TMEM135: variants seen among roughly 807,000 people sequenced by gnomAD.
TMEM135 encodes the protein peroxisomal membrane protein 52.
TMEM135 carries 30 observed loss-of-function variants against 60.3 expected under a neutral mutation model. That is an observed-to-expected ratio of 0.50 (90% CI 0.37 to 0.68). TMEM135 has a LOEUF of 0.68. Ranked by LOEUF, TMEM135 falls within the 30% of genes least tolerant of loss-of-function variation. The pLI is 0.00. For synonymous variants in TMEM135, 190 were observed against 186.7 expected (o/e 1.02, Z -0.14); for missense variants, 468 against 548.8 (o/e 0.85, Z 1.47).
intron 10 of TMEM135, among the ~76,000 whole-genome samples, chr11:87,312,071 A>G (rs901148086): frequency 2.0e-5 from 3 of 151,692 alleles, no homozygotes; most frequent in African/African-American, 7.2e-5. Context: ...TACTGTTTAC[A>G]TATAATGTAT....
chr11:87,186,969 A>C (rs1327992918), intron 5 of TMEM135, among the ~76,000 whole-genome samples: 4 of 152,198 alleles, frequency 2.6e-5, no homozygotes, highest in Non-Finnish European at 5.9e-5. Context: ...TGTGTAGTTA[A>C]TACTATGGGT....
At position 87,258,879 on chromosome 11, in the gene TMEM135, C is replaced by T; in HGVS notation, c.509+22195C>T. On this transcript the variant is annotated intron_variant, in intron 6 of 14. Transcript: ENST00000305494. ...TCTTTCCAGGAAGTGAAGGAAGAGCCCCTTGCATTCTTCCTGAGAGCCCTG... is the reference window on the plus strand; with the variant it reads ...TCTTTCCAGGAAGTGAAGGAAGAGCTCCTTGCATTCTTCCTGAGAGCCCTG... The T allele has an allele frequency of 1.3e-5, 12 of 911,298 alleles. No individual in the cohort carries two copies. In the South Asian group the frequency reaches 1.6e-4, roughly 12 times the overall value. 56.5% of individuals were successfully genotyped at this position (911,298 alleles called of 1,614,324 possible).
At chr11:87,228,871 G>C (rs1260659123) in intron 5 of TMEM135, among the ~76,000 whole-genome samples, 1 of 152,064 alleles carries the variant, frequency 6.6e-6, no homozygotes. Flanking sequence ...TGATATTTCT[G>C]ATTATTTTAA....
chr11:87,174,135 C>T (rs923692263), intron 5 of TMEM135, among the ~76,000 whole-genome samples: 2 of 152,046 alleles, frequency 1.3e-5, no homozygotes, highest in African/African-American at 4.8e-5. Flanking sequence ...GAGCAGAAGT[C>T]CCACTGAGAT....
At position 87,304,658 on chromosome 11, in the gene TMEM135, A is replaced by T. The variant is rs115192296; in HGVS notation, c.699-1278A>T. ...AGGAAAGGCTGTATGCTCCAGCTGTAGTGCAGAATTGGATTTCTGTAAAGG... is the reference window on the plus strand; with the variant it reads ...AGGAAAGGCTGTATGCTCCAGCTGTTGTGCAGAATTGGATTTCTGTAAAGG... On this transcript the variant is annotated intron_variant, in intron 8 of 14. Coordinates refer to ENST00000305494, the MANE Select transcript of TMEM135 (RefSeq NM_022918.4). Among the ~76,000 whole-genome samples the T allele has an allele frequency of 6.2e-3, 937 of 152,354 alleles. 9 individuals are homozygous for T. Among genetic ancestry groups the T allele is most frequent in the African/African-American group, 0.021 (874 of 41,576 alleles).
At chr11:87,306,171 A>G (rs1942539409) in intron 9 of TMEM135, among the ~76,000 whole-genome samples, 166 bp downstream of exon 9, 1 of 152,184 alleles carries the variant, frequency 6.6e-6, no homozygotes, top group South Asian at 2.1e-4. Context: ...ATAGGTGACG[A>G]TTTAGCTTTT....
chr11:87,213,301 T>C (rs1940419894), intron 5 of TMEM135, among the ~76,000 whole-genome samples: 1 of 152,174 alleles, frequency 6.6e-6, no homozygotes, highest in Non-Finnish European at 1.5e-5. Context: ...AGATGTACCA[T>C]GAAATTTTAA....
chr11:87,087,046 C>A (rs1857110874), intron 3 of TMEM135, among the ~76,000 whole-genome samples: 1 of 152,042 alleles, frequency 6.6e-6, no homozygotes, highest in Non-Finnish European at 1.5e-5. Context: ...ATCTAAGGGT[C>A]CCCAGTAAAA....
chr11:87,037,996 T>C lies in TMEM135; in HGVS notation c.-50T>C. 1.2e-6 allele frequency: 2 copies of C among 1,611,010 alleles called. No homozygotes were observed. The highest frequency in any genetic ancestry group is 1.7e-6 in the Non-Finnish European group (2 of 1,179,862). On this transcript the variant is annotated 5_prime_UTR_variant, in exon 1 of 15. Coordinates refer to ENST00000305494, the MANE Select transcript of TMEM135 (RefSeq NM_022918.4). ...GCGGCTGGGCTCTCGCGCCCCTCCCTGCAGGGCTCAGGCTCTCCCCCTCCT... is the reference window on the plus strand; with the variant it reads ...GCGGCTGGGCTCTCGCGCCCCTCCCCGCAGGGCTCAGGCTCTCCCCCTCCT...
At chr11:87,191,015 T>G (rs1939785565) in intron 5 of TMEM135, among the ~76,000 whole-genome samples, 1 of 152,164 alleles carries the variant, frequency 6.6e-6, no homozygotes. Context: ...GCAACATAGG[T>G]TCTTATGAAT....
rs1033803152 is a variant in TMEM135 at position 87,324,130 on chromosome 11, G to A, written c.*2797G>A. 21 of 453,920 alleles carry A rather than the reference G, an allele frequency of 4.6e-5. No homozygotes were observed. Among genetic ancestry groups the A allele is most frequent in the Non-Finnish European group, 8.4e-5 (19 of 226,770 alleles). 28.1% of individuals were successfully genotyped at this position (453,920 alleles called of 1,614,324 possible). ...TCGAGTGTTCGTCTCCTTGTAGATT[G>A]TATCTAGGCTAACATTTCATTTAGT... On this transcript the variant is annotated 3_prime_UTR_variant, in exon 15 of 15. Coordinates refer to ENST00000305494, the MANE Select transcript of TMEM135 (RefSeq NM_022918.4).
At chr11:87,111,609 C>G (rs56686948) in intron 4 of TMEM135, among the ~76,000 whole-genome samples, 2 of 145,916 alleles carry the variant, frequency 1.4e-5, no homozygotes, top group South Asian at 4.3e-4. Context: ...TGAGATCGCA[C>G]CACTGCACTC....
intron 5 of TMEM135, among the ~76,000 whole-genome samples, chr11:87,163,038 T>A (rs12280376): frequency 0.076 from 11,482 of 151,622 alleles, 466 homozygotes; most frequent in Middle Eastern, 0.088. Flanking sequence ...TTAATTTTTT[T>A]ATTTTTATTT....
chr11:87,100,737 C>T (rs7937736), intron 4 of TMEM135, among the ~76,000 whole-genome samples: 1,780 of 152,204 alleles, frequency 0.012, 40 homozygotes, highest in African/African-American at 0.041. Context: ...TGGCATGCGC[C>T]TGTAATCCTA....
intron 1 of TMEM135, among the ~76,000 whole-genome samples, chr11:87,057,856 T>C (rs1379315355): frequency 6.6e-6 from 1 of 151,796 alleles, no homozygotes; most frequent in East Asian, 1.9e-4. Context: ...CTCACAATTT[T>C]GGAGGCTTAA....
At chr11:87,191,219 G>A (rs1377372363) in intron 5 of TMEM135, among the ~76,000 whole-genome samples, 1 of 151,322 alleles carries the variant, frequency 6.6e-6, no homozygotes, top group African/African-American at 2.4e-5. Flanking sequence ...GATATCAGAA[G>A]TCACACACCC....
At position 87,080,168 on chromosome 11, in the gene TMEM135, GT is replaced by G. The variant is rs35717116; in HGVS notation, c.362+8570del. The stretch of plus-strand genomic sequence containing the variant: ...CTTTCTTCTTTTGCCTGTTTGCAGT[GT>G]TTTTTTTTTTTTTTTTGATATCAAC... On this transcript the variant is annotated intron_variant, in intron 3 of 14. Transcript: ENST00000305494. Among the ~76,000 whole-genome samples the G allele has an allele frequency of 1.3e-3, 165 of 128,304 alleles. No individual in the cohort carries two copies. In the East Asian group the frequency reaches 0.017, roughly 13 times the overall value. The allele number at this position is 128,304 out of a possible 152,430, so 84.2% of individuals were successfully genotyped here. A position where few individuals can be genotyped will look rare whatever the true frequency, so the allele number is the denominator to read the frequency against.
intron 1 of TMEM135, among the ~76,000 whole-genome samples, chr11:87,046,663 A>C (rs1435122671): frequency 6.6e-6 from 1 of 152,228 alleles, no homozygotes; most frequent in Non-Finnish European, 1.5e-5. Context: ...ATTTAGGTTT[A>C]TATGTCCTAA....
chr11:87,318,463 GT>G (rs1433163557), intron 13 of TMEM135, among the ~76,000 whole-genome samples: 1 of 150,874 alleles, frequency 6.6e-6, no homozygotes, highest in Non-Finnish European at 1.5e-5. Context: ...CAATTTTTAG[GT>G]TTTAATAGAG....
Sources: allele counts gnomAD v4.1 joint callset (sites outside exome capture counted in the v4.1 genomes callset), GRCh38; gene constraint gnomAD v4.1.1; transcripts MANE v1.5; gene names NCBI Gene and HGNC (gene_info 2026-07-23, HGNC 2026-07-21).